Variants in MAP4K4 observed in about 807,000 individuals in gnomAD.
MAP4K4 encodes mitogen-activated protein kinase kinase kinase kinase 4.
In MAP4K4, 38 loss-of-function variants were observed where a neutral mutation model predicts 189.6. The ratio of observed to expected loss-of-function variants is 0.20; its 90% confidence interval spans 0.15 to 0.26. MAP4K4 has a LOEUF of 0.26. Among genes scored for constraint, MAP4K4 ranks in the 10% least tolerant of loss-of-function variants. The probability of loss-of-function intolerance (pLI) is 1.00; values close to 1 mark genes in which losing one functional copy is unlikely to be tolerated. For synonymous variants in MAP4K4, 610 were observed against 624.3 expected (o/e 0.98, Z 0.34); for missense variants, 1,054 against 1,726.9 (o/e 0.61, Z 6.91).
At chr2:101,865,462 T>TA (rs1209708258) in intron 18 of MAP4K4, among the ~76,000 whole-genome samples, 1 of 152,206 alleles carries the variant, frequency 6.6e-6, no homozygotes, top group African/African-American at 2.4e-5. Context: ...ATTCACCAAA[T>TA]ACTATCCTTT....
intron 26 of MAP4K4, 25 bp from the exon 27 acceptor site, chr2:101,876,978 A>G (rs2098223919): frequency 1.2e-6 from 2 of 1,612,854 alleles, no homozygotes; most frequent in Non-Finnish European, 8.5e-7. Context: ...CATAAAATTG[A>G]GGCCTTTCTG....
chr2:101,773,689 ATTCT>A (rs1269743405), intron 2 of MAP4K4, among the ~76,000 whole-genome samples: 1 of 152,096 alleles, frequency 6.6e-6, no homozygotes, highest in Non-Finnish European at 1.5e-5. Flanking sequence ...GGTCTTATTT[ATTCT>A]TTCTAACTAT....
At chr2:101,748,422 G>A (rs1213221843) in intron 2 of MAP4K4, among the ~76,000 whole-genome samples, 2 of 152,176 alleles carry the variant, frequency 1.3e-5, no homozygotes, top group South Asian at 2.1e-4. Context: ...TCTGTCAGAT[G>A]ACAAATTTAT....
intron 9 of MAP4K4, 62 bp downstream of exon 9, chr2:101,836,040 T>A: frequency 8.0e-7 from 1 of 1,250,092 alleles, no homozygotes; most frequent in Admixed American, 1.9e-5. Flanking sequence ...TCTTTTTAGT[T>A]ATACTTTCCT....
chr2:101,839,503 A>C (rs889220778), intron 9 of MAP4K4, among the ~76,000 whole-genome samples: 2 of 151,740 alleles, frequency 1.3e-5, no homozygotes, highest in Non-Finnish European at 2.9e-5. Context: ...TGCTGCCACC[A>C]CTCCTGTTAA....
At chr2:101,867,782 T>A (rs2097859055) in intron 20 of MAP4K4, 1 of 484,354 alleles carries the variant, frequency 2.1e-6, no homozygotes, top group Non-Finnish European at 3.6e-6. Flanking sequence ...GCCTACCTTC[T>A]GCTTTTTGGT....
At chr2:101,834,905 G>A (rs575203002) in intron 8 of MAP4K4, among the ~76,000 whole-genome samples, 1 of 152,222 alleles carries the variant, frequency 6.6e-6, no homozygotes, top group East Asian at 1.9e-4. Context: ...GTGAGTGTTT[G>A]CTTCTCCATT....
At chr2:101,775,606 G>A (rs2083671152) in intron 2 of MAP4K4, among the ~76,000 whole-genome samples, 1 of 152,034 alleles carries the variant, frequency 6.6e-6, no homozygotes, top group Non-Finnish European at 1.5e-5. Context: ...CTAGTGCTGG[G>A]GGTGAGAACT....
intron 2 of MAP4K4, among the ~76,000 whole-genome samples, chr2:101,752,726 G>A (rs1008969851): frequency 6.6e-6 from 1 of 152,208 alleles, no homozygotes; most frequent in African/African-American, 2.4e-5. Flanking sequence ...TTACCTGTCT[G>A]TGGTCATAAA....
intron 3 of MAP4K4, among the ~76,000 whole-genome samples, chr2:101,809,050 T>A (rs2149112317): frequency 1.3e-5 from 2 of 152,300 alleles, no homozygotes; most frequent in East Asian, 3.9e-4. Context: ...AAAAATGAGT[T>A]TGTATTTATT....
chr2:101,731,882 G>C (rs990091548), intron 2 of MAP4K4, among the ~76,000 whole-genome samples: 2 of 151,964 alleles, frequency 1.3e-5, no homozygotes, highest in African/African-American at 2.4e-5. Context: ...AAAAAGTTTT[G>C]GTTCCTGGAT....
chr2:101,718,875 G>A (rs1046341119), intron 2 of MAP4K4, among the ~76,000 whole-genome samples: 1 of 152,206 alleles, frequency 6.6e-6, no homozygotes, highest in Non-Finnish European at 1.5e-5. Context: ...ATAGTAAGGA[G>A]TAGTAGGGCA....
At chr2:101,834,985 A>G (rs962830495) in intron 8 of MAP4K4, among the ~76,000 whole-genome samples, 12 of 152,248 alleles carry the variant, frequency 7.9e-5, no homozygotes, top group African/African-American at 2.9e-4. Context: ...AACAAAGGAA[A>G]AAAAACACTG....
chr2:101,843,844 G>C (rs1171764843), intron 11 of MAP4K4, among the ~76,000 whole-genome samples: 1 of 152,140 alleles, frequency 6.6e-6, no homozygotes, highest in African/African-American at 2.4e-5. Flanking sequence ...GAATTGTTAC[G>C]CGAATCCTAA....
intron 2 of MAP4K4, among the ~76,000 whole-genome samples, chr2:101,724,598 C>G (rs1276164464): frequency 2.0e-5 from 3 of 152,218 alleles, no homozygotes; most frequent in African/African-American, 7.2e-5. Context: ...GGTATTTCTG[C>G]CACACTTTGC....
rs1373317577 is a variant in MAP4K4, at chr2:101,717,721, A to G, written c.123+19183A>G. 2.0e-5 allele frequency among the ~76,000 whole-genome samples: 3 copies of G among 152,152 alleles called. No homozygotes were observed. In the East Asian group the frequency reaches 5.8e-4, roughly 29 times the overall value. ...AGCAATGATTCTGGTGAGTTTAGAA[A>G]TGAATCAGGATGTGCTAAGCTCAAT... On this transcript the variant is annotated intron_variant, in intron 2 of 32. Coordinates refer to ENST00000324219, the Ensembl canonical transcript of MAP4K4.
chr2:101,761,002 T>A (rs1339288328), intron 2 of MAP4K4, among the ~76,000 whole-genome samples: 2 of 152,070 alleles, frequency 1.3e-5, no homozygotes, highest in African/African-American at 2.4e-5. Context: ...AAACTCTGTC[T>A]CAAAAAAAAT....
chr2:101,875,082 T>C (rs768192291), intron 26 of MAP4K4, among the ~76,000 whole-genome samples: 3 of 152,224 alleles, frequency 2.0e-5, no homozygotes, highest in East Asian at 1.9e-4. Flanking sequence ...CAGGAAAATA[T>C]CAAAATATTG....
At chr2:101,838,607 G>A (rs2149513278) in intron 9 of MAP4K4, among the ~76,000 whole-genome samples, 1 of 152,188 alleles carries the variant, frequency 6.6e-6, no homozygotes, top group South Asian at 2.1e-4. Flanking sequence ...TACTGTAACA[G>A]GTTTTTTCTT....
Sources: allele counts gnomAD v4.1 joint callset (sites outside exome capture counted in the v4.1 genomes callset), GRCh38; gene constraint gnomAD v4.1.1; transcripts MANE v1.5; gene names NCBI Gene and HGNC (gene_info 2026-07-23, HGNC 2026-07-21).